CCNC: variants seen among roughly 807,000 people sequenced by gnomAD.
CCNC encodes cyclin C, also known as cyclin-C.
In CCNC, 19 loss-of-function variants were observed where a neutral mutation model predicts 50.0. The observed-to-expected ratio is 0.38, with a 90% CI of 0.27 to 0.56. CCNC has a LOEUF of 0.56. Ranked by LOEUF, CCNC falls within the 20% of genes least tolerant of loss-of-function variation. The pLI is 0.72. For missense variants in CCNC, 200 were observed against 327.1 expected, an observed-to-expected ratio of 0.61 and a Z score of 3.00; for synonymous variants, 93 against 103.7, an observed-to-expected ratio of 0.90 and a Z score of 0.63.
intron 1 of CCNC, among the ~76,000 whole-genome samples, chr6:99,565,326 G>A (rs1769079430): frequency 6.6e-6 from 1 of 151,886 alleles, no homozygotes. Context: ...GACTTTTAAA[G>A]TTTTCTTCCT....
Position 99,549,538 on chromosome 6 carries a change from G to T in CCNC, c.568C>A (p.Leu190Ile), listed in dbSNP as rs1194951623. ...GCTATCATGAAAGGAGGATACAGTAGGCAAAGATCCGTTCTGTAGGTATCA... is the reference window on the plus strand; with the variant it reads ...GCTATCATGAAAGGAGGATACAGTATGCAAAGATCCGTTCTGTAGGTATCA... ...VNDTYRTDLC[L>I]LYPPFMIALA... Residue 190 changes from leucine (L) to isoleucine (I), a missense_variant, in exon 9 of 12, where the codon CTA becomes ATA. Coordinates refer to ENST00000520429, the MANE Select transcript of CCNC (RefSeq NM_005190.4). 2 of 1,607,418 alleles carry T rather than the reference G, an allele frequency of 1.2e-6. No homozygotes were observed. Among genetic ancestry groups the T allele is most frequent in the Non-Finnish European group, 1.7e-6 (2 of 1,174,364 alleles).
Position 99,568,323 on chromosome 6 carries a change from CGGGGA to C in CCNC, c.32+168_32+172del. The C allele has an allele frequency of 6.6e-6, 4 of 607,570 alleles. No individual in the cohort carries two copies. The South Asian group carries it at 8.3e-5, about 13-fold the overall frequency. The allele number at this position is 607,570 out of a possible 1,614,324, so 37.6% of individuals were successfully genotyped here. ...CCCTCCCCGAAACTGGGGCTGGGGG[CGGGGA>C]GGGGAGTCGCCTCAGAAAAGCGCAT... On this transcript the variant is annotated intron_variant, in intron 1 of 11. Transcript: ENST00000520429.
chr6:99,551,150 T>A lies in CCNC; in HGVS notation c.403-122A>T, dbSNP rs201904580. ...ATCAAAAATTTTTACTAAAAAGTTTTAAAAATCCAGACAATAAACATAGTT... is the reference window on the plus strand; with the variant it reads ...ATCAAAAATTTTTACTAAAAAGTTTAAAAAATCCAGACAATAAACATAGTT... On this transcript the variant is annotated intron_variant, in intron 6 of 11. Transcript: ENST00000520429. 1.8e-3 allele frequency: 734 copies of A among 417,232 alleles called. 14 individuals carry two copies. The East Asian group carries it at 0.032, about 18-fold the overall frequency. 25.8% of individuals were successfully genotyped at this position (417,232 alleles called of 1,614,324 possible).
chr6:99,550,386 G>C, intron 7 of CCNC, 77 bp from the exon 8 acceptor site: 1 of 957,016 alleles, frequency 1.0e-6, no homozygotes, highest in Middle Eastern at 2.1e-4. Context: ...TTACCCAACT[G>C]ATTTGTAATT....
chr6:99,565,941 A>T (rs1562495851), intron 1 of CCNC, among the ~76,000 whole-genome samples: 1 of 151,986 alleles, frequency 6.6e-6, no homozygotes, highest in Non-Finnish European at 1.5e-5. Context: ...TCATAAAGAG[A>T]ATTAGAAAGC....
At chr6:99,560,802 T>C (rs542773755) in intron 4 of CCNC, among the ~76,000 whole-genome samples, 10 of 152,352 alleles carry the variant, frequency 6.6e-5, no homozygotes, top group Admixed American at 2.6e-4. Context: ...TATATAGCTA[T>C]AGCTTCCCCT....
In CCNC at chr6:99,568,537, C is replaced by G. The variant is rs371612636; in HGVS notation, c.-10G>C. On this transcript the variant is annotated 5_prime_UTR_variant, in exon 1 of 12. Coordinates refer to ENST00000520429, the MANE Select transcript of CCNC (RefSeq NM_005190.4). ...AAAAGTTCCCTGCCATGGAACACAG[C>G]TTGCCCTGATAAAAAAGCACCAGCC... 58 of 1,611,880 alleles carry G rather than the reference C, an allele frequency of 3.6e-5. No homozygotes were observed. The highest frequency in any genetic ancestry group is 4.5e-5 in the Non-Finnish European group (53 of 1,179,084).
intron 5 of CCNC, chr6:99,557,303 G>C (rs529356750): frequency 6.6e-6 from 1 of 151,660 alleles, no homozygotes; most frequent in South Asian, 2.1e-4. Context: ...ATTTTACCTT[G>C]GTACCAATGC....
chr6:99,555,300 C>G (rs1802466973), intron 5 of CCNC, among the ~76,000 whole-genome samples: 1 of 152,102 alleles, frequency 6.6e-6, no homozygotes, highest in Admixed American at 6.5e-5. Context: ...TTCTCAGCAC[C>G]TACTTGCTTC....
intron 5 of CCNC, chr6:99,557,511 A>G (rs1010147760): frequency 8.5e-5 from 13 of 152,280 alleles, no homozygotes; most frequent in African/African-American, 2.6e-4. Flanking sequence ...AAGGGATAAG[A>G]TTAAATGAGG....
chr6:99,561,512 G>T, intron 3 of CCNC, 76 bp from the exon 4 acceptor site: 1 of 1,337,276 alleles, frequency 7.5e-7, no homozygotes, highest in Non-Finnish European at 1.0e-6. Context: ...ATAACTCTAT[G>T]GTAGACACAT....
intron 1 of CCNC, among the ~76,000 whole-genome samples, chr6:99,567,408 T>TACAC (rs774258709): frequency 7.7e-5 from 9 of 117,186 alleles, no homozygotes; most frequent in Admixed American, 2.7e-4. Context: ...TATATATACA[T>TACAC]ACACACACAC....
At chr6:99,556,095 A>G (rs1331877093) in intron 5 of CCNC, among the ~76,000 whole-genome samples, 1 of 152,160 alleles carries the variant, frequency 6.6e-6, no homozygotes, top group Non-Finnish European at 1.5e-5. Context: ...TTTCCACTTT[A>G]AACTTGTTAG....
In CCNC at chr6:99,543,543, C is replaced by T. The variant is rs1160965165; in HGVS notation, c.*12G>A. On this transcript the variant is annotated 3_prime_UTR_variant, in exon 12 of 12. Transcript: ENST00000520429. ...TTTCCAAGTGGTCCACTATGGAATT[C>T]TTCGGAATGTTTTAAGATTGGCTGT... 8 of 1,612,940 alleles carry T rather than the reference C, an allele frequency of 5.0e-6. No individual in the cohort carries two copies. The highest frequency in any genetic ancestry group is 6.8e-6 in the Non-Finnish European group (8 of 1,179,262).
chr6:99,550,183 C>A (rs752822847), intron 8 of CCNC, 35 bp downstream of exon 8: 1 of 1,388,218 alleles, frequency 7.2e-7, no homozygotes, highest in Non-Finnish European at 1.0e-6. Context: ...TATCTAATAA[C>A]ATGTTACACT....
intron 9 of CCNC, among the ~76,000 whole-genome samples, chr6:99,547,077 AAACT>A (rs1802100209): frequency 6.6e-6 from 1 of 152,230 alleles, no homozygotes. Flanking sequence ...TATACAATAT[AAACT>A]AACAAAAGAG....
At chr6:99,548,751 C>T (rs9494698) in intron 9 of CCNC, among the ~76,000 whole-genome samples, 38,247 of 143,356 alleles carry the variant, frequency 0.27, 5,079 homozygotes, top group East Asian at 0.38. Flanking sequence ...TGCAGTGAGC[C>T]AAGATCACAC....
chr6:99,547,935 G>T (rs1281923158), intron 9 of CCNC, among the ~76,000 whole-genome samples: 1 of 152,098 alleles, frequency 6.6e-6, no homozygotes, highest in African/African-American at 2.4e-5. Context: ...ACTACATGTG[G>T]GTATTGAGGG....
chr6:99,554,100 C>G (rs1802419739), intron 5 of CCNC, among the ~76,000 whole-genome samples: 2 of 151,620 alleles, frequency 1.3e-5, no homozygotes, highest in South Asian at 4.2e-4. Context: ...ATGACTTTGA[C>G]AGTTTTTAGG....
Sources: allele counts gnomAD v4.1 joint callset (sites outside exome capture counted in the v4.1 genomes callset), GRCh38; gene constraint gnomAD v4.1.1; transcripts MANE v1.5; gene names NCBI Gene and HGNC (gene_info 2026-07-23, HGNC 2026-07-21).